The following PRUNE2 variants were observed in gnomAD, a reference collection of about 807,000 sequenced individuals.
PRUNE2 encodes the protein protein prune homolog 2.
Under a neutral mutation model 252.0 loss-of-function variants are expected in PRUNE2, and 164 were observed. That is an observed-to-expected ratio of 0.65 (90% CI 0.57 to 0.74). PRUNE2 has a LOEUF of 0.74. Among genes scored for constraint, PRUNE2 ranks in the 30% least tolerant of loss-of-function variants. The probability of loss-of-function intolerance (pLI) is 0.00; values close to 1 mark genes in which losing one functional copy is unlikely to be tolerated. For synonymous variants in PRUNE2, 1,292 were observed against 1,350.2 expected (o/e 0.96, Z 0.94); for missense variants, 3,495 against 3,711.0 (o/e 0.94, Z 1.51).
At chr9:76,731,310 C>CTATATATATATA (rs1194576016) in intron 6 of PRUNE2, among the ~76,000 whole-genome samples, 2 of 36,660 alleles carry the variant, frequency 5.5e-5, no homozygotes, top group Admixed American at 4.6e-4. Context: ...ATCTATCTAT[C>CTATATATATATA]TATATATATA....
At chr9:76,839,689 G>A (rs1043448308) in intron 4 of PRUNE2, among the ~76,000 whole-genome samples, 3 of 152,182 alleles carry the variant, frequency 2.0e-5, no homozygotes, top group Admixed American at 6.5e-5. Context: ...AAGACTTCAT[G>A]GCAATAGGTT....
chr9:76,696,993 C>T (rs1228293089), intron 9 of PRUNE2, among the ~76,000 whole-genome samples: 1 of 152,214 alleles, frequency 6.6e-6, no homozygotes, highest in Non-Finnish European at 1.5e-5. Context: ...TTCGTAAATA[C>T]TCTCTTTATT....
rs1322691913 is a variant in PRUNE2 at position 76,705,554 on chromosome 9, T to C, written c.6720A>G (p.Gln2240=). The C allele has an allele frequency of 6.2e-7, 1 of 1,614,062 alleles. No homozygotes were observed. Among genetic ancestry groups the C allele is most frequent in the South Asian group, 1.1e-5 (1 of 91,088 alleles). The change falls in exon 8 of 19, where the codon CAA becomes CAG. Residue 2240 remains glutamine (Q), a synonymous_variant. Transcript: ENST00000376718. ...NVATSIFVTH[Q]EPTPEGDGSW... is the part of the protein sequence containing the mutation. The stretch of plus-strand genomic sequence containing the variant: ...AACCGTCACCTTCTGGAGTTGGCTC[T>C]TGGTGAGTTACAAAAATGCTAGTTG...
chr9:76,770,411 A>C (rs1012344580), intron 6 of PRUNE2, among the ~76,000 whole-genome samples: 3 of 152,132 alleles, frequency 2.0e-5, no homozygotes, highest in East Asian at 1.9e-4. Flanking sequence ...TTTCAATCCA[A>C]TCTATTGCCT....
chr9:76,845,386 C>T (rs577990703), intron 4 of PRUNE2, among the ~76,000 whole-genome samples: 52 of 152,336 alleles, frequency 3.4e-4, no homozygotes, highest in African/African-American at 1.2e-3. Flanking sequence ...TGTTGAACAA[C>T]TTTCCTCTTG....
intron 6 of PRUNE2, chr9:76,758,503 T>A (rs2889723): frequency 0.065 from 8,555 of 130,952 alleles, 390 homozygotes; most frequent in African/African-American, 0.15. Context: ...TTTAAAAAAA[T>A]TTTTTTTTTT....
intron 9 of PRUNE2, among the ~76,000 whole-genome samples, chr9:76,669,327 T>C (rs1260299889): frequency 2.4e-4 from 1 of 4,114 alleles, no homozygotes; most frequent in Non-Finnish European, 0.071. Flanking sequence ...TTCCTTTTTC[T>C]TTTTTTTTTG....
intron 6 of PRUNE2, among the ~76,000 whole-genome samples, chr9:76,749,808 A>G (rs2050453682): frequency 6.6e-6 from 1 of 152,244 alleles, no homozygotes; most frequent in African/African-American, 2.4e-5. Flanking sequence ...AAGGATTTTA[A>G]GAAGGGAACA....
At chr9:76,817,510 G>A (rs1361832778) in intron 6 of PRUNE2, among the ~76,000 whole-genome samples, 1 of 152,138 alleles carries the variant, frequency 6.6e-6, no homozygotes, top group Non-Finnish European at 1.5e-5. Flanking sequence ...CAGAAGTGAT[G>A]AGTGTCACAA....
chr9:76,735,643 G>A (rs1422238508), intron 6 of PRUNE2, among the ~76,000 whole-genome samples: 1 of 152,000 alleles, frequency 6.6e-6, no homozygotes, highest in Non-Finnish European at 1.5e-5. Flanking sequence ...AACAAAGGTT[G>A]ATATTATCAT....
chr9:76,640,592 A>T (rs541355087), intron 12 of PRUNE2, among the ~76,000 whole-genome samples: 1 of 152,226 alleles, frequency 6.6e-6, no homozygotes, highest in Non-Finnish European at 1.5e-5. Flanking sequence ...CATCTTTTCC[A>T]ATATGCAGGG....
intron 9 of PRUNE2, chr9:76,691,993 T>C (rs919721340): frequency 5.7e-6 from 4 of 703,230 alleles, no homozygotes; most frequent in African/African-American, 1.8e-5. Context: ...AGCAAGAGAT[T>C]AGTCTTTGAG....
chr9:76,829,705 C>T (rs938290336), intron 4 of PRUNE2, among the ~76,000 whole-genome samples: 1 of 151,640 alleles, frequency 6.6e-6, no homozygotes, highest in Non-Finnish European at 1.5e-5. Context: ...TCCTGAGGAC[C>T]GAAATCCTGA....
At chr9:76,782,030 C>T (rs1443569081) in intron 6 of PRUNE2, among the ~76,000 whole-genome samples, 2 of 152,100 alleles carry the variant, frequency 1.3e-5, no homozygotes, top group South Asian at 2.1e-4. Context: ...CTGGCTAACA[C>T]GGTGAAACCC....
intron 6 of PRUNE2, among the ~76,000 whole-genome samples, chr9:76,817,497 G>A (rs1232283959): frequency 1.3e-5 from 2 of 152,096 alleles, no homozygotes; most frequent in Non-Finnish European, 2.9e-5. Flanking sequence ...AATGAAATAT[G>A]AGCAGAAGTG....
At chr9:76,657,122 C>T (rs1343680154) in intron 9 of PRUNE2, among the ~76,000 whole-genome samples, 1 of 152,182 alleles carries the variant, frequency 6.6e-6, no homozygotes, top group Non-Finnish European at 1.5e-5. Context: ...CATGATCCTG[C>T]AGTTTTTGGA....
At chr9:76,695,443 T>C (rs1309595393) in intron 9 of PRUNE2, among the ~76,000 whole-genome samples, 1 of 152,196 alleles carries the variant, frequency 6.6e-6, no homozygotes, top group Non-Finnish European at 1.5e-5. Flanking sequence ...CCCATGAGGA[T>C]GAGTGACTAA....
intron 6 of PRUNE2, among the ~76,000 whole-genome samples, chr9:76,777,801 T>C (rs73460275): frequency 0.18 from 26,892 of 152,176 alleles, 2,568 homozygotes; most frequent in African/African-American, 0.24. Flanking sequence ...TCAGGGAAGA[T>C]GTCACCATTT....
intron 6 of PRUNE2, among the ~76,000 whole-genome samples, chr9:76,819,781 T>G (rs1191731768): frequency 6.6e-6 from 1 of 152,216 alleles, no homozygotes; most frequent in Non-Finnish European, 1.5e-5. Flanking sequence ...GAACCATTAA[T>G]GTACTGCCGT....
Sources: allele counts gnomAD v4.1 joint callset (sites outside exome capture counted in the v4.1 genomes callset), GRCh38; gene constraint gnomAD v4.1.1; transcripts MANE v1.5; gene names NCBI Gene and HGNC (gene_info 2026-07-23, HGNC 2026-07-21).